Variants in PCDHGA3 observed in about 807,000 individuals in gnomAD.
The protein encoded by PCDHGA3 is protocadherin gamma subfamily A, 3.
PCDHGA3 carries 40 observed loss-of-function variants against 58.5 expected under a neutral mutation model. The ratio of observed to expected loss-of-function variants is 0.68; its 90% CI spans 0.53 to 0.89. The LOEUF (loss-of-function observed/expected upper bound fraction) is 0.89. Among genes scored for constraint, PCDHGA3 ranks in the 40% least tolerant of loss-of-function variants. The pLI, the probability that PCDHGA3 is intolerant of heterozygous loss-of-function variation, is 0.00. For missense variants in PCDHGA3, 1,223 were observed against 1,195.9 expected (o/e 1.02, Z -0.33); for synonymous variants, 530 against 525.7 (o/e 1.01, Z -0.11).
At chr5:141,370,637 T>A (rs749641470) in intron 1 of PCDHGA3, 1 of 1,613,770 alleles carries the variant, frequency 6.2e-7, no homozygotes, top group South Asian at 1.1e-5. Flanking sequence ...GCCCCGAAAA[T>A]GGGAACTTAC....
intron 1 of PCDHGA3, chr5:141,361,840 C>T: frequency 6.2e-7 from 1 of 1,612,726 alleles, no homozygotes; most frequent in South Asian, 1.1e-5. Context: ...CGCGCTGGGG[C>T]CTGATGGCTC....
At chr5:141,385,268 C>CTT (rs1561607550) in intron 1 of PCDHGA3, 1 of 1,613,616 alleles carries the variant, frequency 6.2e-7, no homozygotes, top group Non-Finnish European at 8.5e-7. Context: ...AAAAATGATT[C>CTT]TTTGCTAACA....
intron 2 of PCDHGA3, among the ~76,000 whole-genome samples, chr5:141,501,290 T>TAC (rs55762287): frequency 0.12 from 16,682 of 135,960 alleles, 995 homozygotes; most frequent in African/African-American, 0.18. Flanking sequence ...TATTCCCTTA[T>TAC]ACACACACAC....
chr5:141,348,820 C>T (rs1030832002), intron 1 of PCDHGA3, among the ~76,000 whole-genome samples: 12 of 152,088 alleles, frequency 7.9e-5, no homozygotes, highest in East Asian at 1.9e-4. Flanking sequence ...TAGGCTGTTT[C>T]GAATAGAGTA....
intron 1 of PCDHGA3, chr5:141,371,301 A>T (rs199851082): frequency 6.2e-7 from 1 of 1,613,990 alleles, no homozygotes. Flanking sequence ...GGAACTCACC[A>T]CTATTGGAGA....
Position 141,343,995 on chromosome 5 carries a change from T to A in PCDHGA3, c.-39T>A, listed in dbSNP as rs375713562. On this transcript the variant is annotated 5_prime_UTR_variant, in exon 1 of 4. Transcript: ENST00000253812. ...AAGATTGGAGTCCGTCGTAGGAAACTGGAACCGAATTCAGAGAAAGCGATT... is the reference window on the plus strand; with the variant it reads ...AAGATTGGAGTCCGTCGTAGGAAACAGGAACCGAATTCAGAGAAAGCGATT... The A allele has an allele frequency of 3.4e-6, 5 of 1,486,554 alleles. No individual in the cohort carries two copies. Among genetic ancestry groups the A allele is most frequent in the Non-Finnish European group, 4.5e-6 (5 of 1,112,530 alleles). The allele number at this position is 1,486,554 out of a possible 1,614,324, so 92.1% of individuals were successfully genotyped here.
chr5:141,430,984 C>G (rs765063685), intron 1 of PCDHGA3: 2 of 1,613,530 alleles, frequency 1.2e-6, no homozygotes, highest in Non-Finnish European at 1.7e-6. Flanking sequence ...CGCAGCTTTT[C>G]GCCCTGAATC....
rs1311219092 is a variant in PCDHGA3 at position 141,372,180 on chromosome 5, G to A, written c.2424+25723G>A. 1 of 1,613,652 alleles carries A rather than the reference G, an allele frequency of 6.2e-7. No homozygotes were observed. On this transcript the variant is annotated intron_variant, in intron 1 of 3. Transcript: ENST00000253812. ...GGTGACCAAGGTGGTGGCGGTGGAC[G>A]CAGACTCGGGATACAACGCCTGGCT...
intron 1 of PCDHGA3, chr5:141,364,769 G>C (rs755884627): frequency 6.2e-7 from 1 of 1,614,012 alleles, no homozygotes; most frequent in South Asian, 1.1e-5. Flanking sequence ...TGAAAATGCG[G>C]CTGCAGGGAC....
chr5:141,383,002 G>T lies in PCDHGA3; in HGVS notation c.2424+36545G>T, dbSNP rs376825891. On this transcript the variant is annotated intron_variant, in intron 1 of 3. Coordinates refer to ENST00000253812, the MANE Select transcript of PCDHGA3 (RefSeq NM_018916.4). ...CTGGGCAGGACGTATTCTCTACTCC[G>T]TGTCGGAGGAGACGGACAAAGGGTC... The T allele has an allele frequency of 1.2e-6, 2 of 1,613,650 alleles. No individual in the cohort carries two copies. Among genetic ancestry groups the T allele is most frequent in the African/African-American group, 1.3e-5 (1 of 74,948 alleles).
At chr5:141,474,671 A>G (rs2099352865) in intron 1 of PCDHGA3, among the ~76,000 whole-genome samples, 1 of 152,204 alleles carries the variant, frequency 6.6e-6, no homozygotes, top group South Asian at 2.1e-4. Context: ...TACCTAACCT[A>G]TGTGCCTACC....
intron 1 of PCDHGA3, chr5:141,351,855 A>C (rs760608746): frequency 6.2e-7 from 1 of 1,613,236 alleles, no homozygotes; most frequent in South Asian, 1.1e-5. Context: ...CAGGCCAGGG[A>C]CCAGGGCTCC....
intron 1 of PCDHGA3, chr5:141,414,738 C>A: frequency 6.2e-7 from 1 of 1,614,238 alleles, no homozygotes; most frequent in Non-Finnish European, 8.5e-7. Context: ...TGTATGCACT[C>A]AGATCCTTCG....
intron 1 of PCDHGA3, chr5:141,419,601 C>T (rs753678898): frequency 6.2e-7 from 1 of 1,611,818 alleles, no homozygotes; most frequent in South Asian, 1.1e-5. Context: ...GTGCCGCGGG[C>T]CGCGCAGCCA....
chr5:141,419,939 G>C, intron 1 of PCDHGA3: 6 of 1,614,054 alleles, frequency 3.7e-6, no homozygotes, highest in Admixed American at 1.7e-5. Flanking sequence ...TTACCTGGTG[G>C]TGGCCTTGGC....
At chr5:141,363,643 A>G (rs193285139) in intron 1 of PCDHGA3, among the ~76,000 whole-genome samples, 2 of 152,388 alleles carry the variant, frequency 1.3e-5, no homozygotes, top group Non-Finnish European at 2.9e-5. Flanking sequence ...CCTCACAAGT[A>G]ACAAAGATCT....
intron 1 of PCDHGA3, among the ~76,000 whole-genome samples, chr5:141,455,289 A>C (rs1592356100): frequency 6.6e-6 from 1 of 152,074 alleles, no homozygotes; most frequent in South Asian, 2.1e-4. Flanking sequence ...ATCACTTTAC[A>C]TAGTTTCATC....
intron 1 of PCDHGA3, among the ~76,000 whole-genome samples, chr5:141,492,781 T>A (rs945023154): frequency 6.6e-6 from 1 of 152,194 alleles, no homozygotes; most frequent in African/African-American, 2.4e-5. Context: ...TGAGTGAGCC[T>A]CTATAGGACA....
rs1423461446 is a variant in PCDHGA3 at position 141,345,504 on chromosome 5, T to C, written c.1471T>C (p.Leu491=). 3 of 1,614,130 alleles carry C rather than the reference T, an allele frequency of 1.9e-6. No homozygotes were observed. Among genetic ancestry groups the C allele is most frequent in the East Asian group, 2.2e-5 (1 of 44,878 alleles). The change falls in exon 1 of 4, where the codon TTG becomes CTG. Residue 491 remains leucine, a synonymous_variant. Transcript: ENST00000253812. Reference sequence around the variant, plus strand: ...CAACAACGCCCGCATCACTTATGCATTGACCGAGGACACTCTCCAGGGGGC... The same window carrying C: ...CAACAACGCCCGCATCACTTATGCACTGACCGAGGACACTCTCCAGGGGGC... ...SNNNARITYA[L]TEDTLQGAPL... is the part of the protein sequence containing the mutation.
Sources: gnomAD v4.1 joint callset for allele counts (sites outside exome capture counted in the v4.1 genomes callset) on GRCh38, gnomAD v4.1.1 for gene constraint, MANE v1.5 for transcripts, NCBI Gene and HGNC (gene_info 2026-07-23, HGNC 2026-07-21) for gene names.